SYT16: variants seen among roughly 807,000 people sequenced by gnomAD.
SYT16 encodes synaptotagmin-16.
In SYT16, 42 loss-of-function variants were observed where a neutral mutation model predicts 61.4. That is an observed-to-expected ratio of 0.68 (90% CI 0.53 to 0.89). SYT16 has a LOEUF of 0.89. Ranked by LOEUF, SYT16 falls within the 40% of genes least tolerant of loss-of-function variation. The pLI is 0.00. For synonymous variants in SYT16, 314 were observed against 302.3 expected (o/e 1.04, Z -0.40); for missense variants, 804 against 807.3 (o/e 1.00, Z 0.05).
At chr14:61,962,032 C>T (rs758776208) in intron 1 of SYT16, among the ~76,000 whole-genome samples, 5 of 152,160 alleles carry the variant, frequency 3.3e-5, no homozygotes, top group African/African-American at 9.6e-5. Context: ...AATCAAATAA[C>T]GCCTGTTCTT....
At chr14:61,937,897 G>A (rs760333004) in intron 1 of SYT16, among the ~76,000 whole-genome samples, 35 of 152,028 alleles carry the variant, frequency 2.3e-4, no homozygotes, top group African/African-American at 6.3e-4. Flanking sequence ...CAGAATACCC[G>A]CTTGTACAAG....
At chr14:61,970,777 A>G (rs181728073) in intron 2 of SYT16, among the ~76,000 whole-genome samples, 1 of 152,314 alleles carries the variant, frequency 6.6e-6, no homozygotes, top group Admixed American at 6.5e-5. Context: ...CACTTAAAGA[A>G]ATAATTGGCT....
intron 3 of SYT16, among the ~76,000 whole-genome samples, chr14:62,003,323 C>T (rs1294343820): frequency 6.6e-6 from 1 of 152,036 alleles, no homozygotes; most frequent in Non-Finnish European, 1.5e-5. Context: ...CTGTGAAGAA[C>T]TTCTAAGTGG....
intron 1 of SYT16, among the ~76,000 whole-genome samples, chr14:61,865,559 A>G (rs2047122366): frequency 1.3e-5 from 2 of 152,218 alleles, no homozygotes; most frequent in African/African-American, 4.8e-5. Flanking sequence ...GGTGACTGGT[A>G]TAGTCTGATG....
At position 61,996,555 on chromosome 14, in the gene SYT16, G is replaced by C; in HGVS notation, c.523+13G>C. The stretch of plus-strand genomic sequence containing the variant: ...GGAAAAAAGCAAGGTAAGCTAGCCA[G>C]TCATCATTTTCTCTGCGTTCCTCCA... On this transcript the variant is annotated intron_variant, in intron 3 of 7. Transcript: ENST00000683842. 1 of 1,572,908 alleles carries C rather than the reference G, an allele frequency of 6.4e-7. No individual in the cohort carries two copies. The highest frequency in any genetic ancestry group is 8.6e-7 in the Non-Finnish European group (1 of 1,161,688).
intron 1 of SYT16, among the ~76,000 whole-genome samples, chr14:61,933,157 G>T (rs1457196360): frequency 1.3e-5 from 2 of 152,086 alleles, no homozygotes; most frequent in East Asian, 3.9e-4. Flanking sequence ...GTGTTCCGTG[G>T]AGCCCCTTGA....
At chr14:61,907,188 TG>T (rs1039153242) in intron 1 of SYT16, among the ~76,000 whole-genome samples, 5 of 152,210 alleles carry the variant, frequency 3.3e-5, no homozygotes, top group African/African-American at 1.2e-4. Context: ...AAGTGCATCA[TG>T]AAAGTGGCTT....
At chr14:61,830,525 A>C (rs530028389) in intron 1 of SYT16, among the ~76,000 whole-genome samples, 3 of 152,326 alleles carry the variant, frequency 2.0e-5, no homozygotes, top group South Asian at 2.1e-4. Context: ...TCAGTTCCCA[A>C]AACTTTACTA....
intron 1 of SYT16, chr14:61,865,179 G>A: frequency 8.5e-7 from 1 of 1,178,422 alleles, no homozygotes; most frequent in Middle Eastern, 1.9e-4. Flanking sequence ...CCAGAGGATC[G>A]TGTTTCTGTC....
At chr14:61,843,551 G>A (rs2046358599) in intron 1 of SYT16, among the ~76,000 whole-genome samples, 3 of 152,156 alleles carry the variant, frequency 2.0e-5, no homozygotes, top group Admixed American at 2.0e-4. Flanking sequence ...TTAGATTTAA[G>A]TCTTTAATCT....
chr14:62,100,781 T>G lies in SYT16; in HGVS notation c.*74T>G. 1 of 1,477,124 alleles carries G rather than the reference T, an allele frequency of 6.8e-7. No homozygotes were observed. The highest frequency in any genetic ancestry group is 1.4e-5 in the African/African-American group (1 of 71,840). The allele number at this position is 1,477,124 out of a possible 1,614,324, so 91.5% of individuals were successfully genotyped here. A position where few individuals can be genotyped will look rare whatever the true frequency, so the allele number is the denominator to read the frequency against. On this transcript the variant is annotated 3_prime_UTR_variant, in exon 8 of 8. Coordinates refer to ENST00000683842, the MANE Select transcript of SYT16 (RefSeq NM_001367656.1). ...TGCTGTCTACTGACACTAAGTGTCC[T>G]GGCAAGGGTTTCAGGGTTTCAAAAA...
At chr14:61,982,707 C>T (rs965057431) in intron 2 of SYT16, among the ~76,000 whole-genome samples, 2 of 152,002 alleles carry the variant, frequency 1.3e-5, no homozygotes, top group African/African-American at 4.8e-5. Context: ...AACTATCTCC[C>T]CCTACTTTAT....
intron 1 of SYT16, among the ~76,000 whole-genome samples, chr14:61,962,583 C>T (rs1482417906): frequency 6.6e-6 from 1 of 152,018 alleles, no homozygotes; most frequent in Non-Finnish European, 1.5e-5. Context: ...TGATTATTTC[C>T]TTAAATATAC....
At chr14:61,845,039 CTTTTTTTTTT>C (rs35131511) in intron 1 of SYT16, among the ~76,000 whole-genome samples, 1,853 of 97,648 alleles carry the variant, frequency 0.019, 61 homozygotes, top group African/African-American at 0.084. Context: ...TACTAGAAGA[CTTTTTTTTTT>C]TTTTTTTTTT....
chr14:61,999,745 T>C (rs1172314711), intron 3 of SYT16, among the ~76,000 whole-genome samples: 7 of 151,966 alleles, frequency 4.6e-5, no homozygotes, highest in African/African-American at 1.7e-4. Context: ...TATGAATGTA[T>C]TTTGTTTTTA....
intron 5 of SYT16, among the ~76,000 whole-genome samples, chr14:62,075,731 G>T (rs1353216336): frequency 6.6e-6 from 1 of 151,762 alleles, no homozygotes; most frequent in Non-Finnish European, 1.5e-5. Flanking sequence ...GGAATTTTCA[G>T]TTCTTTAGAG....
intron 3 of SYT16, among the ~76,000 whole-genome samples, chr14:62,014,396 T>A (rs1393806459): frequency 6.6e-6 from 1 of 152,020 alleles, no homozygotes; most frequent in Non-Finnish European, 1.5e-5. Context: ...CTGCTGCTTA[T>A]CTTGTATCTG....
intron 1 of SYT16, among the ~76,000 whole-genome samples, chr14:61,814,043 G>C (rs1338372522): frequency 6.6e-6 from 1 of 152,096 alleles, no homozygotes; most frequent in South Asian, 2.1e-4. Flanking sequence ...TTAGGACAAG[G>C]CTGTCATTCA....
At chr14:61,820,358 C>T (rs552513953) in intron 1 of SYT16, among the ~76,000 whole-genome samples, 20 of 151,786 alleles carry the variant, frequency 1.3e-4, no homozygotes, top group African/African-American at 4.8e-4. Context: ...GAGCACTTCT[C>T]CGCTGATGTG....
Sources: allele counts gnomAD v4.1 joint callset (sites outside exome capture counted in the v4.1 genomes callset), GRCh38; gene constraint gnomAD v4.1.1; transcripts MANE v1.5; gene names NCBI Gene and HGNC (gene_info 2026-07-23, HGNC 2026-07-21).